Variants in FMO1 observed in about 807,000 individuals in gnomAD.
FMO1 encodes flavin-containing monooxygenase 1.
In FMO1, 36 loss-of-function variants were observed where a neutral mutation model predicts 45.4. The observed-to-expected ratio is 0.79, with a 90% CI of 0.61 to 1.05. FMO1 has a LOEUF of 1.05. FMO1 is among the 50% of genes least tolerant of loss of function. The pLI, the probability that FMO1 is intolerant of heterozygous loss-of-function variation, is 0.00. For missense variants in FMO1, 615 were observed against 640.3 expected, an observed-to-expected ratio of 0.96 and a Z score of 0.43; for synonymous variants, 228 against 227.2, an observed-to-expected ratio of 1.00 and a Z score of -0.03.
intron 6 of FMO1, 87 bp downstream of exon 6, chr1:171,281,072 C>T: frequency 9.7e-7 from 1 of 1,036,108 alleles, no homozygotes; most frequent in Non-Finnish European, 1.5e-6. Context: ...AGTACCACAG[C>T]AACATGGCTG....
intron 1 of FMO1, among the ~76,000 whole-genome samples, chr1:171,253,123 C>T (rs1659972349): frequency 6.6e-6 from 1 of 152,128 alleles, no homozygotes; most frequent in Non-Finnish European, 1.5e-5. Context: ...AACAAAAAAC[C>T]TTTCAGGGTG....
chr1:171,260,264 G>T (rs908891068), intron 2 of FMO1, among the ~76,000 whole-genome samples: 3 of 152,108 alleles, frequency 2.0e-5, no homozygotes, highest in Non-Finnish European at 4.4e-5. Flanking sequence ...GAGATTTCCT[G>T]GTTGTCGCGT....
chr1:171,282,516 G>A (rs1661403008), intron 7 of FMO1, 183 bp downstream of exon 7: 1 of 488,736 alleles, frequency 2.0e-6, no homozygotes, highest in African/African-American at 2.0e-5. Context: ...CTGCATAAAT[G>A]GTATATCAGG....
At chr1:171,274,080 C>T (rs911643454) in intron 3 of FMO1, among the ~76,000 whole-genome samples, 1 of 147,726 alleles carries the variant, frequency 6.8e-6, no homozygotes, top group Non-Finnish European at 1.5e-5. Flanking sequence ...ACCAGGGAAG[C>T]GGAGATTGCG....
chr1:171,282,123 A>C lies in FMO1; in HGVS notation c.973A>C (p.Ile325Leu), dbSNP rs952203318. Residue 325 changes from isoleucine to leucine, a missense_variant, in exon 7 of 9, where the codon ATT (isoleucine) becomes CTT (leucine). By Grantham distance (5) the Ile-to-Leu change is conservative. Transcript: ENST00000617670. Reference protein sequence around the residue: ...NTSKEEPIDIIVFATGYTFAF... With the variant: ...NTSKEEPIDILVFATGYTFAF... ...TTCAAAGGAAGAGCCTATTGACATC[A>C]TTGTCTTTGCCACTGGATACACATT... The C allele has an allele frequency of 1.2e-6, 2 of 1,613,848 alleles. No homozygotes were observed. Among genetic ancestry groups the C allele is most frequent in the Admixed American group, 1.7e-5 (1 of 59,982 alleles).
At chr1:171,261,800 T>C (rs1324138464) in intron 2 of FMO1, among the ~76,000 whole-genome samples, 1 of 152,190 alleles carries the variant, frequency 6.6e-6, no homozygotes, top group Non-Finnish European at 1.5e-5. Flanking sequence ...GTCATGACTC[T>C]GGCCTCTCCC....
At chr1:171,267,509 A>T in intron 2 of FMO1, 34 bp from the exon 3 acceptor site, 1 of 1,507,106 alleles carries the variant, frequency 6.6e-7, no homozygotes, top group Non-Finnish European at 8.9e-7. Flanking sequence ...ATGAGCATGC[A>T]ATGAATGTTC....
intron 8 of FMO1, 79 bp from the exon 9 acceptor site, chr1:171,285,123 T>G (rs1237741922): frequency 2.1e-5 from 19 of 915,662 alleles, no homozygotes; most frequent in Non-Finnish European, 3.1e-5. Context: ...AGTATTTGTT[T>G]GCTTTGGGCA....
At chr1:171,264,919 G>T (rs1387788450) in intron 2 of FMO1, among the ~76,000 whole-genome samples, 1 of 151,250 alleles carries the variant, frequency 6.6e-6, no homozygotes, top group Non-Finnish European at 1.5e-5. Context: ...AAAAACAAAA[G>T]AAATGCACAA....
intron 1 of FMO1, among the ~76,000 whole-genome samples, chr1:171,249,554 A>G (rs1171327192): frequency 6.6e-6 from 1 of 151,534 alleles, no homozygotes; most frequent in Non-Finnish European, 1.5e-5. Context: ...ACCTTCACCC[A>G]CCCCAACTGC....
intron 2 of FMO1, among the ~76,000 whole-genome samples, chr1:171,258,627 C>G (rs1241469185): frequency 5.3e-5 from 8 of 152,190 alleles, no homozygotes; most frequent in Non-Finnish European, 7.4e-5. Flanking sequence ...CTTTTACCTG[C>G]TTCTTTTCCC....
intron 7 of FMO1, chr1:171,282,641 A>C (rs1224536159): frequency 1.1e-5 from 3 of 268,036 alleles, no homozygotes; most frequent in Non-Finnish European, 2.1e-5. Flanking sequence ...GGGTCTCACT[A>C]TCTCGTCCAG....
intron 3 of FMO1, among the ~76,000 whole-genome samples, chr1:171,272,607 A>G (rs976360202): frequency 5.9e-5 from 9 of 152,230 alleles, no homozygotes; most frequent in Non-Finnish European, 1.2e-4. Context: ...ACCTCTTGCA[A>G]CAGTGTGACC....
At chr1:171,253,694 G>A (rs1422363179) in intron 1 of FMO1, among the ~76,000 whole-genome samples, 1 of 152,026 alleles carries the variant, frequency 6.6e-6, no homozygotes, top group Non-Finnish European at 1.5e-5. Context: ...CCAGGAGGCG[G>A]AGGTTGCAGT....
chr1:171,269,712 TA>T (rs1404063089), intron 3 of FMO1, among the ~76,000 whole-genome samples: 1 of 149,180 alleles, frequency 6.7e-6, no homozygotes, highest in African/African-American at 2.6e-5. Context: ...TAATCATGAC[TA>T]ATGAGTGAGT....
intron 7 of FMO1, chr1:171,282,683 T>G: frequency 4.3e-6 from 1 of 230,372 alleles, no homozygotes. Context: ...ATAGGCATGA[T>G]CATAGATTAC....
At chr1:171,282,537 T>C (rs1371171841) in intron 7 of FMO1, 7 of 440,512 alleles carry the variant, frequency 1.6e-5, no homozygotes, top group Non-Finnish European at 2.7e-5. Context: ...GTCAAAAATA[T>C]ATATATTTTT....
At chr1:171,272,387 C>T (rs1231858237) in intron 3 of FMO1, among the ~76,000 whole-genome samples, 1 of 152,194 alleles carries the variant, frequency 6.6e-6, no homozygotes, top group Non-Finnish European at 1.5e-5. Flanking sequence ...GGGTCAGAGT[C>T]CCCACACAGA....
chr1:171,280,793 T>C lies in FMO1; in HGVS notation c.635T>C (p.Leu212Pro), dbSNP rs542809870. 2 of 1,612,416 alleles carry C rather than the reference T, an allele frequency of 1.2e-6. No individual in the cohort carries two copies. Among genetic ancestry groups the C allele is most frequent in the African/African-American group, 1.3e-5 (1 of 74,958 alleles). The change falls in exon 6 of 9, where the codon CTC (leucine) becomes CCC (proline). Residue 212 changes from leucine (L) to proline (P), a missense_variant. Coordinates refer to ENST00000617670, the MANE Select transcript of FMO1 (RefSeq NM_001282693.2). ...EASHLAEKVF[L>P]STTGGGWVIS... ...GTCTTTGATTGCTTCCAGGTGTTCC[T>C]CAGCACCACCGGAGGGGGATGGGTG...
Sources: allele counts gnomAD v4.1 joint callset (sites outside exome capture counted in the v4.1 genomes callset), GRCh38; gene constraint gnomAD v4.1.1; transcripts MANE v1.5; gene names NCBI Gene and HGNC (gene_info 2026-07-23, HGNC 2026-07-21).